The following GRID1 variants were observed in gnomAD, a reference collection of about 807,000 sequenced individuals.
GRID1 encodes glutamate ionotropic receptor delta type subunit 1, also known as glutamate receptor ionotropic, delta-1.
A neutral mutation model predicts 98.0 loss-of-function variants in GRID1; 28 were observed. The ratio of observed to expected loss-of-function variants is 0.29; its 90% confidence interval spans 0.21 to 0.39. The LOEUF (loss-of-function observed/expected upper bound fraction) is 0.39. GRID1 is among the 10% of genes least tolerant of loss of function. The probability of loss-of-function intolerance (pLI) is 1.00; values close to 1 mark genes in which losing one functional copy is unlikely to be tolerated. For missense variants in GRID1, 1,111 were observed against 1,340.5 expected (o/e 0.83, Z 2.67); for synonymous variants, 553 against 538.5 (o/e 1.03, Z -0.37).
intron 3 of GRID1, among the ~76,000 whole-genome samples, chr10:86,175,163 AAGTATATGTGTTT>A (rs1845556162): frequency 6.6e-6 from 1 of 152,084 alleles, no homozygotes; most frequent in African/African-American, 2.4e-5. Context: ...GTGGCAGGGG[AAGTATATGTGTTT>A]AGATATAGAT....
intron 4 of GRID1, among the ~76,000 whole-genome samples, chr10:86,086,199 A>G (rs999270559): frequency 6.6e-6 from 1 of 151,564 alleles, no homozygotes; most frequent in African/African-American, 2.4e-5. Flanking sequence ...ACCCTCCACA[A>G]TTGTCTGCTC....
chr10:85,769,671 T>C (rs996000356), intron 8 of GRID1, among the ~76,000 whole-genome samples: 5 of 152,208 alleles, frequency 3.3e-5, no homozygotes, highest in African/African-American at 7.2e-5. Flanking sequence ...CAGGAGATTA[T>C]ATCCTGCACC....
chr10:85,847,432 G>T (rs1267757041), intron 8 of GRID1, among the ~76,000 whole-genome samples: 2 of 152,100 alleles, frequency 1.3e-5, no homozygotes, highest in Non-Finnish European at 2.9e-5. Flanking sequence ...TCCACTTAAG[G>T]TGGACATTCT....
chr10:86,051,045 T>G (rs1843495739), intron 4 of GRID1, among the ~76,000 whole-genome samples: 1 of 151,362 alleles, frequency 6.6e-6, no homozygotes, highest in East Asian at 1.9e-4. Flanking sequence ...GCCATTGCAC[T>G]CCAGCCTGGG....
chr10:85,834,319 A>G (rs1564604704), intron 8 of GRID1, among the ~76,000 whole-genome samples: 1 of 152,216 alleles, frequency 6.6e-6, no homozygotes. Flanking sequence ...GGCATAACAC[A>G]TTTAAATTCC....
At chr10:85,825,004 G>A (rs1842806431) in intron 8 of GRID1, among the ~76,000 whole-genome samples, 1 of 152,192 alleles carries the variant, frequency 6.6e-6, no homozygotes, top group Admixed American at 6.5e-5. Context: ...CAATAAACAT[G>A]TGTGAAGGTG....
intron 12 of GRID1, among the ~76,000 whole-genome samples, chr10:85,680,721 C>A (rs545464755): frequency 1.2e-4 from 18 of 152,218 alleles, no homozygotes; most frequent in Middle Eastern, 6.8e-3. Context: ...GATACGGAAC[C>A]AATCTAAATG....
At chr10:85,875,572 C>G (rs1234851018) in intron 5 of GRID1, among the ~76,000 whole-genome samples, 1 of 151,908 alleles carries the variant, frequency 6.6e-6, no homozygotes, top group Non-Finnish European at 1.5e-5. Flanking sequence ...TTGTTTGTTT[C>G]CCTTTAAAAT....
At chr10:86,149,061 C>T (rs1845125628) in intron 3 of GRID1, among the ~76,000 whole-genome samples, 1 of 152,316 alleles carries the variant, frequency 6.6e-6, no homozygotes, top group South Asian at 2.1e-4. Context: ...ACAGGGAACG[C>T]CCCCAAAAGG....
intron 3 of GRID1, among the ~76,000 whole-genome samples, chr10:86,204,286 G>A (rs773784512): frequency 5.9e-5 from 9 of 152,082 alleles, no homozygotes; most frequent in Non-Finnish European, 8.8e-5. Context: ...TGAATGTGTC[G>A]AGGGGCTACT....
At chr10:86,310,675 C>T (rs1847820624) in intron 2 of GRID1, among the ~76,000 whole-genome samples, 1 of 152,206 alleles carries the variant, frequency 6.6e-6, no homozygotes, top group Non-Finnish European at 1.5e-5. Context: ...GAAAAGGCAG[C>T]TGATGGCCCT....
At chr10:86,175,525 G>A (rs1190482372) in intron 3 of GRID1, among the ~76,000 whole-genome samples, 5 of 151,904 alleles carry the variant, frequency 3.3e-5, no homozygotes, top group South Asian at 4.2e-4. Flanking sequence ...GCCATCTCTC[G>A]AACCCACCCC....
chr10:86,174,668 G>A (rs1487332590), intron 3 of GRID1, among the ~76,000 whole-genome samples: 1 of 151,326 alleles, frequency 6.6e-6, no homozygotes, highest in Non-Finnish European at 1.5e-5. Context: ...AAGAGCTTCT[G>A]CACAGCAAAA....
chr10:86,196,577 A>T (rs1326546228), intron 3 of GRID1, among the ~76,000 whole-genome samples: 1 of 152,112 alleles, frequency 6.6e-6, no homozygotes, highest in Non-Finnish European at 1.5e-5. Context: ...CTTCCAACAC[A>T]AGCCAGGCTC....
intron 8 of GRID1, among the ~76,000 whole-genome samples, chr10:85,846,035 T>C (rs2131774787): frequency 6.6e-6 from 1 of 152,260 alleles, no homozygotes; most frequent in South Asian, 2.1e-4. Flanking sequence ...GTGAGTGTTG[T>C]CTGTATGTAC....
In GRID1 at chr10:85,634,998, G is replaced by GAAAAAAAAAA. The variant is rs140144576; in HGVS notation, c.2193+12194_2193+12203dup. On this transcript the variant is annotated intron_variant, in intron 13 of 15. Coordinates refer to ENST00000327946, the MANE Select transcript of GRID1 (RefSeq NM_017551.3). ...GCAAATTACAGGGCAGAGGAAATCTGAAAAAAAAAAAAAAAAAAAAAAAAA... is the reference window on the plus strand; with the variant it reads ...GCAAATTACAGGGCAGAGGAAATCTGAAAAAAAAAAAAAAAAAAAAAAAAAAAAAAAAAAA... 4.0e-4 allele frequency among the ~76,000 whole-genome samples: 14 copies of GAAAAAAAAAA among 35,012 alleles called. 1 individual carries two copies. Among genetic ancestry groups the GAAAAAAAAAA allele is most frequent in the Admixed American group, 1.0e-3 (2 of 1,948 alleles). 23.0% of individuals were successfully genotyped at this position (35,012 alleles called of 152,430 possible). A position where few individuals can be genotyped will look rare whatever the true frequency, so the allele number is the denominator to read the frequency against.
chr10:85,744,227 T>G (rs1028702669), intron 8 of GRID1, among the ~76,000 whole-genome samples: 2 of 152,184 alleles, frequency 1.3e-5, no homozygotes, highest in Non-Finnish European at 2.9e-5. Context: ...CTCACAGACC[T>G]TCTCTGTTAG....
intron 4 of GRID1, among the ~76,000 whole-genome samples, chr10:85,933,898 T>C (rs929594641): frequency 1.6e-4 from 24 of 152,136 alleles, no homozygotes; most frequent in African/African-American, 5.3e-4. Context: ...TCAAACATAC[T>C]GGCTCACTTT....
At position 86,220,315 on chromosome 10, in the gene GRID1, G is replaced by A. The variant is rs1846234421; in HGVS notation, c.236-13667C>T. 2.0e-5 allele frequency among the ~76,000 whole-genome samples: 3 copies of A among 152,302 alleles called. No individual in the cohort carries two copies. The South Asian group carries it at 6.2e-4, about 32-fold the overall frequency. ...GCCCAGCGGTAAGAGGATAGGTTCT[G>A]GCACCGAACTACCCGGACTCGAATC... On this transcript the variant is annotated intron_variant, in intron 2 of 15. Coordinates refer to ENST00000327946, the MANE Select transcript of GRID1 (RefSeq NM_017551.3).
Sources: allele counts gnomAD v4.1 joint callset (sites outside exome capture counted in the v4.1 genomes callset), GRCh38; gene constraint gnomAD v4.1.1; transcripts MANE v1.5; gene names NCBI Gene and HGNC (gene_info 2026-07-23, HGNC 2026-07-21).